The following GTF2H1 variants were observed in gnomAD, a reference collection of about 807,000 sequenced individuals.
GTF2H1 encodes BTF2 p62.
A neutral mutation model predicts 71.2 loss-of-function variants in GTF2H1; 16 were observed. The ratio of observed to expected loss-of-function variants is 0.22; its 90% CI spans 0.15 to 0.34. The LOEUF is 0.34. Among genes scored for constraint, GTF2H1 ranks in the 10% least tolerant of loss-of-function variants. The pLI is 1.00. For synonymous variants in GTF2H1, 215 were observed against 219.0 expected (o/e 0.98, Z 0.16); for missense variants, 498 against 648.2 (o/e 0.77, Z 2.52).
chr11:18,331,748 T>C (rs1864904466), intron 1 of GTF2H1, among the ~76,000 whole-genome samples: 1 of 152,112 alleles, frequency 6.6e-6, no homozygotes, highest in Admixed American at 6.5e-5. Flanking sequence ...TGATTTCTAT[T>C]GTTTTTAATC....
intron 9 of GTF2H1, among the ~76,000 whole-genome samples, chr11:18,350,236 C>T (rs1336509225): frequency 6.6e-6 from 1 of 152,130 alleles, no homozygotes; most frequent in African/African-American, 2.4e-5. Context: ...CTTGATGGAG[C>T]TTTCATTTAA....
intron 11 of GTF2H1, among the ~76,000 whole-genome samples, chr11:18,354,693 A>G (rs1006842610): frequency 2.0e-5 from 3 of 152,208 alleles, no homozygotes; most frequent in Non-Finnish European, 4.4e-5. Flanking sequence ...CCTTCTATGT[A>G]TATCAGCTGA....
chr11:18,333,162 A>G lies in GTF2H1; in HGVS notation c.88A>G (p.Arg30Gly). ...TGGAGCTCTGTACCTCATGGCAGAA[A>G]GAATTGCTTGGGCACCTGAAGGCAA... ...QDGALYLMAE[R>G]IAWAPEGKDR... is the part of the protein sequence containing the mutation. The change falls in exon 2 of 15, where the codon AGA (arginine) becomes GGA (glycine). Residue 30 changes from arginine to glycine, a missense_variant. This residue lies in a region of GTF2H1 where 216 missense variants were observed against 306.2 expected (regional missense o/e 0.71). Coordinates refer to ENST00000265963, the MANE Select transcript of GTF2H1 (RefSeq NM_005316.4). 6.2e-7 allele frequency: 1 copy of G among 1,613,788 alleles called. No homozygotes were observed. The highest frequency in any genetic ancestry group is 1.7e-5 in the Admixed American group (1 of 60,002).
At chr11:18,356,895 ATCT>A (rs1382754773) in intron 11 of GTF2H1, among the ~76,000 whole-genome samples, 5 of 149,552 alleles carry the variant, frequency 3.3e-5, no homozygotes, top group African/African-American at 1.2e-4. Context: ...GGCTCAAATG[ATCT>A]TCTCATCTCA....
chr11:18,350,165 T>G (rs998977585), intron 9 of GTF2H1, among the ~76,000 whole-genome samples: 1 of 152,184 alleles, frequency 6.6e-6, no homozygotes, highest in Non-Finnish European at 1.5e-5. Flanking sequence ...GGGTTACAAT[T>G]TATAGATTCT....
intron 11 of GTF2H1, among the ~76,000 whole-genome samples, chr11:18,353,522 T>C (rs1323384478): frequency 6.6e-6 from 1 of 152,216 alleles, no homozygotes; most frequent in Non-Finnish European, 1.5e-5. Context: ...CTCTTTCTCT[T>C]TAGAATTCCC....
intron 2 of GTF2H1, among the ~76,000 whole-genome samples, chr11:18,333,971 A>G (rs779991953): frequency 1.5e-4 from 23 of 152,158 alleles, no homozygotes; most frequent in African/African-American, 1.9e-4. Context: ...GCTAGGTGCA[A>G]TGGCTCACAC....
chr11:18,323,643 T>G (rs1864638205), intron 1 of GTF2H1, among the ~76,000 whole-genome samples: 1 of 152,224 alleles, frequency 6.6e-6, no homozygotes, highest in Non-Finnish European at 1.5e-5. Flanking sequence ...TCCAGACTTG[T>G]GATTTTCAAA....
chr11:18,357,900 A>G (rs995518145), intron 11 of GTF2H1, 52 bp from the exon 12 acceptor site: 5 of 252,692 alleles, frequency 2.0e-5, no homozygotes, highest in East Asian at 1.2e-4. Context: ...GAGAGGTGGC[A>G]AAAAAAAAAA....
intron 4 of GTF2H1, among the ~76,000 whole-genome samples, chr11:18,338,500 G>T (rs1865085078): frequency 6.6e-6 from 1 of 152,170 alleles, no homozygotes; most frequent in Admixed American, 6.6e-5. Context: ...CTGGAGTGCA[G>T]TGGCACAGTG....
intron 1 of GTF2H1, 73 bp from the exon 2 acceptor site, chr11:18,332,987 C>A: frequency 9.9e-7 from 1 of 1,007,760 alleles, no homozygotes; most frequent in Non-Finnish European, 1.4e-6. Flanking sequence ...GAAAGGGACT[C>A]TAGAAGTCAA....
intron 9 of GTF2H1, among the ~76,000 whole-genome samples, chr11:18,349,138 G>A (rs915625500): frequency 1.3e-5 from 2 of 152,084 alleles, no homozygotes; most frequent in Non-Finnish European, 2.9e-5. Flanking sequence ...CATGTGATCC[G>A]CCCATCTCAG....
chr11:18,341,917 A>G (rs1033866321), intron 7 of GTF2H1: 5 of 194,134 alleles, frequency 2.6e-5, no homozygotes, highest in Admixed American at 1.7e-4. Context: ...CTAACATTTA[A>G]TCTAAAGAAA....
At chr11:18,365,555 C>G (rs1186233847) in intron 14 of GTF2H1, among the ~76,000 whole-genome samples, 3 of 152,102 alleles carry the variant, frequency 2.0e-5, no homozygotes, top group African/African-American at 7.2e-5. Context: ...AATGACAGGA[C>G]AGCCATTACA....
intron 1 of GTF2H1, chr11:18,324,311 CTCTT>C (rs1864702552): frequency 6.6e-6 from 1 of 152,100 alleles, no homozygotes; most frequent in Non-Finnish European, 1.5e-5. Context: ...GTTTGAGTCT[CTCTT>C]AGGTGATATA....
intron 7 of GTF2H1, among the ~76,000 whole-genome samples, chr11:18,343,512 A>G (rs1194315333): frequency 1.3e-5 from 2 of 152,082 alleles, no homozygotes; most frequent in Admixed American, 6.6e-5. Context: ...ACAGGCTATG[A>G]TCTATGGCCT....
chr11:18,323,198 G>A (rs1324889884), intron 1 of GTF2H1, among the ~76,000 whole-genome samples: 1 of 152,108 alleles, frequency 6.6e-6, no homozygotes, highest in African/African-American at 2.4e-5. Context: ...TTTGATTGTC[G>A]TGTAATGATG....
intron 11 of GTF2H1, among the ~76,000 whole-genome samples, chr11:18,357,398 C>G (rs1865581368): frequency 6.7e-6 from 1 of 149,608 alleles, no homozygotes; most frequent in African/African-American, 2.5e-5. Flanking sequence ...ATTTTTTTTT[C>G]CCCCACTCTG....
rs960677400 is a variant in GTF2H1, at chr11:18,338,239, C to T, written c.478C>T (p.His160Tyr). The change falls in exon 4 of 15, where the codon CAT becomes TAT. Residue 160 changes from histidine to tyrosine, a missense_variant. His to Tyr is a moderately conservative substitution (Grantham distance 83). Around this residue, in one of 3 missense-constraint regions of GTF2H1, gnomAD observed 216 missense variants for 306.2 expected, o/e 0.71. Coordinates refer to ENST00000265963, the MANE Select transcript of GTF2H1 (RefSeq NM_005316.4). ...NATDSSSTSN[H>Y]KQDVGISAAF... ...AACAGATAGTTCTTCCACATCCAAT[C>T]ATAAGCAGGATGTTGGCATTTCTGC... The T allele has an allele frequency of 3.1e-6, 5 of 1,610,110 alleles. No homozygotes were observed. Among genetic ancestry groups the T allele is most frequent in the African/African-American group, 1.3e-5 (1 of 74,864 alleles).
Sources: gnomAD v4.1 joint callset for allele counts (sites outside exome capture counted in the v4.1 genomes callset) on GRCh38, gnomAD v4.1.1 for gene constraint, gnomAD v4.1.1 regional missense constraint, MANE v1.5 for transcripts, NCBI Gene and HGNC (gene_info 2026-07-23, HGNC 2026-07-21) for gene names.